The following BANK1 variants were observed in gnomAD, a reference collection of about 807,000 sequenced individuals.
BANK1 encodes B cell scaffold protein with ankyrin repeats 1.
BANK1 carries 95 observed loss-of-function variants against 94.5 expected under a neutral mutation model. The ratio of observed to expected loss-of-function variants is 1.00; its 90% CI spans 0.85 to 1.19. The LOEUF (loss-of-function observed/expected upper bound fraction) is 1.19. Ranked by LOEUF, BANK1 falls within the 50% of genes most tolerant of loss-of-function variation. The pLI, the probability that BANK1 is intolerant of heterozygous loss-of-function variation, is 0.00. For missense variants in BANK1, 987 were observed against 932.2 expected (o/e 1.06, Z -0.77); for synonymous variants, 334 against 308.4 (o/e 1.08, Z -0.87).
intron 2 of BANK1, among the ~76,000 whole-genome samples, chr4:101,850,155 G>C (rs1727417844): frequency 6.6e-6 from 1 of 152,198 alleles, no homozygotes; most frequent in African/African-American, 2.4e-5. Flanking sequence ...TTGATAAACT[G>C]TAAAAACTCA....
chr4:101,792,157 C>G (rs184837231), intron 1 of BANK1, among the ~76,000 whole-genome samples: 24 of 152,130 alleles, frequency 1.6e-4, no homozygotes, highest in Admixed American at 1.4e-3. Context: ...TGATACTAAG[C>G]AATACTTTGA....
intron 7 of BANK1, among the ~76,000 whole-genome samples, chr4:101,930,919 A>G (rs1723316645): frequency 6.6e-6 from 1 of 151,598 alleles, no homozygotes; most frequent in Non-Finnish European, 1.5e-5. Context: ...ATTGCTAAAC[A>G]TCACAAAGGA....
intron 7 of BANK1, among the ~76,000 whole-genome samples, chr4:101,932,525 C>T (rs1258709760): frequency 1.3e-5 from 2 of 151,422 alleles, no homozygotes; most frequent in Non-Finnish European, 3.0e-5. Flanking sequence ...AAATGGAGGA[C>T]TTCCATGTTG....
rs1725736646 is a variant in BANK1 at position 101,992,369 on chromosome 4, A to G, written c.1207-29145A>G. 2.0e-5 allele frequency among the ~76,000 whole-genome samples: 3 copies of G among 152,224 alleles called. No individual in the cohort carries two copies. In the South Asian group the frequency reaches 6.2e-4, roughly 31 times the overall value. Reference sequence around the variant, plus strand: ...TATTTGTAAGTAAAACCTCCCAACCAAAATCACAAAATCATGGCATAGGAA... The same window carrying G: ...TATTTGTAAGTAAAACCTCCCAACCGAAATCACAAAATCATGGCATAGGAA... On this transcript the variant is annotated intron_variant, in intron 7 of 16. Coordinates refer to ENST00000322953, the MANE Select transcript of BANK1 (RefSeq NM_017935.5).
chr4:102,018,937 C>T (rs1214316381), intron 7 of BANK1, among the ~76,000 whole-genome samples: 3 of 151,768 alleles, frequency 2.0e-5, no homozygotes, highest in Admixed American at 1.3e-4. Context: ...CCTGCCTCAG[C>T]CTCCCGAGTA....
chr4:101,913,138 C>A (rs915115430), intron 6 of BANK1, among the ~76,000 whole-genome samples: 3 of 152,158 alleles, frequency 2.0e-5, no homozygotes, highest in Non-Finnish European at 2.9e-5. Context: ...TTTCCTGGAT[C>A]TTTTCCTGGT....
intron 5 of BANK1, among the ~76,000 whole-genome samples, chr4:101,888,632 G>T: frequency 6.6e-6 from 1 of 152,108 alleles, no homozygotes; most frequent in East Asian, 1.9e-4. Flanking sequence ...GCCAATTTGC[G>T]TGTTACTGAA....
intron 6 of BANK1, among the ~76,000 whole-genome samples, chr4:101,908,699 C>A (rs1400680380): frequency 2.6e-5 from 4 of 152,070 alleles, no homozygotes; most frequent in Non-Finnish European, 2.9e-5. Context: ...TGAACTCAAA[C>A]AAATTTACAA....
At chr4:102,022,853 CA>C (rs1726960742) in intron 8 of BANK1, among the ~76,000 whole-genome samples, 1 of 152,160 alleles carries the variant, frequency 6.6e-6, no homozygotes, top group Non-Finnish European at 1.5e-5. Flanking sequence ...TACTCATTCA[CA>C]AACCAATAAT....
chr4:101,930,833 A>G (rs574907237), intron 7 of BANK1, among the ~76,000 whole-genome samples: 23 of 151,608 alleles, frequency 1.5e-4, no homozygotes, highest in African/African-American at 4.6e-4. Context: ...GAAAAGGCAC[A>G]CTTAACCATT....
intron 11 of BANK1, among the ~76,000 whole-genome samples, chr4:102,055,178 C>G (rs1472107555): frequency 1.3e-5 from 2 of 151,720 alleles, no homozygotes; most frequent in African/African-American, 4.8e-5. Context: ...ATAAGTTTTG[C>G]CAGTGAGTTA....
chr4:101,986,899 GTATATATATATA>G (rs1166018412), intron 7 of BANK1, among the ~76,000 whole-genome samples: 1 of 82,650 alleles, frequency 1.2e-5, no homozygotes, highest in African/African-American at 6.4e-5. Flanking sequence ...GTGTGTGTGT[GTATATATATATA>G]TATATATATA....
intron 7 of BANK1, among the ~76,000 whole-genome samples, chr4:101,922,410 T>C (rs1723029673): frequency 6.6e-6 from 1 of 151,854 alleles, no homozygotes; most frequent in African/African-American, 2.4e-5. Context: ...ATGTAGTTTT[T>C]CCTTTCTTAT....
intron 2 of BANK1, among the ~76,000 whole-genome samples, chr4:101,834,292 C>G (rs913432624): frequency 4.6e-5 from 7 of 152,166 alleles, no homozygotes; most frequent in African/African-American, 1.2e-4. Flanking sequence ...TATCTCTCAT[C>G]TGCCCACATT....
At chr4:101,817,720 A>G (rs977701317) in intron 1 of BANK1, among the ~76,000 whole-genome samples, 2 of 152,166 alleles carry the variant, frequency 1.3e-5, no homozygotes, top group Admixed American at 6.5e-5. Flanking sequence ...GTCTTTCGGT[A>G]TACAGGGCTA....
At chr4:101,903,387 C>T (rs1461503326) in intron 6 of BANK1, among the ~76,000 whole-genome samples, 1 of 152,156 alleles carries the variant, frequency 6.6e-6, no homozygotes, top group Non-Finnish European at 1.5e-5. Context: ...TGTAATTTAA[C>T]AATCTGAGTT....
chr4:101,873,776 G>T (rs567348852), intron 5 of BANK1, among the ~76,000 whole-genome samples: 1 of 152,168 alleles, frequency 6.6e-6, no homozygotes, highest in Non-Finnish European at 1.5e-5. Flanking sequence ...TCAAATGAAA[G>T]AAATCCAAAG....
intron 1 of BANK1, among the ~76,000 whole-genome samples, chr4:101,821,376 G>A (rs968413365): frequency 1.3e-5 from 2 of 151,680 alleles, no homozygotes; most frequent in African/African-American, 4.8e-5. Flanking sequence ...TGCGTAGTTT[G>A]CAAAATTTTT....
At chr4:102,039,193 C>T (rs895194090) in intron 10 of BANK1, among the ~76,000 whole-genome samples, 1 of 152,068 alleles carries the variant, frequency 6.6e-6, no homozygotes, top group African/African-American at 2.4e-5. Context: ...GCTGATGTGG[C>T]TGTCTGTGTC....
Sources: allele counts gnomAD v4.1 joint callset (sites outside exome capture counted in the v4.1 genomes callset), GRCh38; gene constraint gnomAD v4.1.1; transcripts MANE v1.5; gene names NCBI Gene and HGNC (gene_info 2026-07-23, HGNC 2026-07-21).